TPCN1: variants seen among roughly 807,000 people sequenced by gnomAD.
TPCN1 encodes two pore channel protein 1.
In TPCN1, 52 loss-of-function variants were observed where a neutral mutation model predicts 108.8. The observed-to-expected ratio is 0.48, with a 90% CI of 0.38 to 0.60. TPCN1 has a LOEUF of 0.60. Ranked by LOEUF, TPCN1 falls within the 20% of genes least tolerant of loss-of-function variation. The pLI is 0.00. For missense variants in TPCN1, 806 were observed against 1,072.8 expected (o/e 0.75, Z 3.47); for synonymous variants, 446 against 433.7 (o/e 1.03, Z -0.35).
intron 2 of TPCN1, among the ~76,000 whole-genome samples, chr12:113,228,302 C>A (rs540165390): frequency 2.0e-5 from 3 of 152,230 alleles, no homozygotes; most frequent in African/African-American, 7.2e-5. Flanking sequence ...TTTTCTTCAT[C>A]ACCCTTAATA....
Position 113,289,579 on chromosome 12 carries a change from TC to T in TPCN1, c.1797-546del, listed in dbSNP as rs1956199408. Among the ~76,000 whole-genome samples, 1 of 152,120 alleles carries T rather than the reference TC, an allele frequency of 6.6e-6. No individual in the cohort carries two copies. Among genetic ancestry groups the T allele is most frequent in the African/African-American group, 2.4e-5 (1 of 41,396 alleles). ...CTGATGCATGCGTGTGGGAGGAGGCTCCCTGGTGGCCCAAGCACTAGACTTT... is the reference window on the plus strand; with the variant it reads ...CTGATGCATGCGTGTGGGAGGAGGCTCCTGGTGGCCCAAGCACTAGACTTT... On this transcript the variant is annotated intron_variant, in intron 21 of 27. Transcript: ENST00000335509. The surrounding 1 kb of genome is among the most constrained non-coding windows in gnomAD (Gnocchi z 4.1).
Position 113,296,194 on chromosome 12 carries a change from G to T in TPCN1, c.*118G>T. ...CGTATATGCACATATTTATATACAG[G>T]AAGAAAAAAGACAGACAAGATGGGG... On this transcript the variant is annotated 3_prime_UTR_variant, in exon 28 of 28. Coordinates refer to ENST00000335509, the MANE Select transcript of TPCN1 (RefSeq NM_017901.6). The T allele has an allele frequency of 7.1e-7, 1 of 1,412,682 alleles. No individual in the cohort carries two copies. The highest frequency in any genetic ancestry group is 1.4e-5 in the African/African-American group (1 of 70,696). 87.5% of individuals were successfully genotyped at this position (1,412,682 alleles called of 1,614,324 possible). A position where few individuals can be genotyped will look rare whatever the true frequency, so the allele number is the denominator to read the frequency against.
In TPCN1 at chr12:113,288,646, C is replaced by T. The variant is rs550037667; in HGVS notation, c.1707-112C>T. On this transcript the variant is annotated intron_variant, in intron 20 of 27. Coordinates refer to ENST00000335509, the MANE Select transcript of TPCN1 (RefSeq NM_017901.6). The surrounding 1 kb of genome is among the most constrained non-coding windows in gnomAD (Gnocchi z 4.8). ...CGCAGGCACTTTCCAGTTGGTGAAC[C>T]GACCAGGGGCATGGCCCTGCAGTCA... The T allele has an allele frequency of 6.7e-4, 1,038 of 1,540,220 alleles. 2 individuals are homozygous for T. Among genetic ancestry groups the T allele is most frequent in the Non-Finnish European group, 8.1e-4 (924 of 1,147,440 alleles).
chr12:113,266,153 A>C lies in TPCN1; in HGVS notation c.238-27A>C, dbSNP rs781147083. The stretch of plus-strand genomic sequence containing the variant: ...GCGTTGGATGGGTCTCCAGGCTTAC[A>C]TGCCCACACTACTCTCATCTTTTCA... On this transcript the variant is annotated intron_variant, in intron 3 of 27. Transcript: ENST00000335509. This position sits in a 1 kb window ranked among gnomAD's most constrained non-coding sequence, Gnocchi z 4.2. 32 of 1,612,164 alleles carry C rather than the reference A, an allele frequency of 2.0e-5. No individual in the cohort carries two copies. Among genetic ancestry groups the C allele is most frequent in the Non-Finnish European group, 2.6e-5 (31 of 1,178,824 alleles).
chr12:113,248,407 C>T (rs187005341), intron 2 of TPCN1, among the ~76,000 whole-genome samples: 47 of 152,356 alleles, frequency 3.1e-4, no homozygotes, highest in African/African-American at 5.8e-4. Flanking sequence ...ACATTCCAGG[C>T]GGGGAAACAG....
intron 26 of TPCN1, 34 bp from the exon 27 acceptor site, chr12:113,293,235 G>T (rs372288076): frequency 3.1e-6 from 5 of 1,611,788 alleles, no homozygotes; most frequent in Non-Finnish European, 4.2e-6. Flanking sequence ...CTGAATATCT[G>T]CAGCCGAGCC....
chr12:113,288,117 A>AG lies in TPCN1; in HGVS notation c.1635-44dup. The AG allele has an allele frequency of 6.4e-7, 1 of 1,560,216 alleles. No homozygotes were observed. The highest frequency in any genetic ancestry group is 8.8e-7 in the Non-Finnish European group (1 of 1,139,622). ...CGGCATGTTCTGAGGGCGGGGGCTG[A>AG]GGCGTGCACCTGTGTGTGGAGGTGA... On this transcript the variant is annotated intron_variant, in intron 19 of 27. Transcript: ENST00000335509. The surrounding 1 kb of genome is among the most constrained non-coding windows in gnomAD (Gnocchi z 4.8).
Position 113,266,372 on chromosome 12 carries a change from C to A in TPCN1, c.414+16C>A. The A allele has an allele frequency of 6.2e-7, 1 of 1,601,700 alleles. No individual in the cohort carries two copies. The highest frequency in any genetic ancestry group is 8.5e-7 in the Non-Finnish European group (1 of 1,178,732). ...TGGCATCTATGTGAGCGCACATGCT[C>A]CTCATACGGGGGGCTGGGAGCCACG... On this transcript the variant is annotated intron_variant, in intron 4 of 27. Coordinates refer to ENST00000335509, the MANE Select transcript of TPCN1 (RefSeq NM_017901.6). This position sits in a 1 kb window ranked among gnomAD's most constrained non-coding sequence, Gnocchi z 4.2.
chr12:113,291,898 T>C lies in TPCN1; in HGVS notation c.2053T>C (p.Phe685Leu). 1 of 1,599,400 alleles carries C rather than the reference T, an allele frequency of 6.3e-7. No homozygotes were observed. The highest frequency in any genetic ancestry group is 8.5e-7 in the Non-Finnish European group (1 of 1,171,646). ...TMVVMTIIVA[F>L]ILEAFVFRMN... ...GGTGGTGATGACGATCATTGTCGCC[T>C]TTATCCTCGAGGCCTTCGTCTTCCG... Residue 685 changes from phenylalanine (F) to leucine (L), a missense_variant, in exon 25 of 28, where the codon TTT becomes CTT. Transcript: ENST00000335509.
At chr12:113,239,831 ATC>A (rs1954036386) in intron 2 of TPCN1, among the ~76,000 whole-genome samples, 2 of 151,970 alleles carry the variant, frequency 1.3e-5, no homozygotes, top group Non-Finnish European at 2.9e-5. Context: ...TCTCTTTTTT[ATC>A]TCTCTTTTTG....
rs116955223 is a variant in TPCN1 at position 113,242,395 on chromosome 12, A to G, written c.112+15431A>G. 8.6e-3 allele frequency among the ~76,000 whole-genome samples: 1,305 copies of G among 152,306 alleles called. 11 individuals carry two copies. Among genetic ancestry groups the G allele is most frequent in the Non-Finnish European group, 0.012 (835 of 68,020 alleles). ...AGCCTTGCGGAAACAGTGGAGGGAA[A>G]GGTGAGGGCTTGGCTGCCCGTCGTT... On this transcript the variant is annotated intron_variant, in intron 2 of 27. Transcript: ENST00000335509.
intron 14 of TPCN1, among the ~76,000 whole-genome samples, chr12:113,279,582 T>G (rs1336225774): frequency 6.6e-6 from 1 of 150,586 alleles, no homozygotes. Flanking sequence ...GTGTGTGTGT[T>G]TTTAGTAGAG....
rs989201486 is a variant in TPCN1, at chr12:113,272,770, G to A, written c.783+78G>A. 39 of 1,441,066 alleles carry A rather than the reference G, an allele frequency of 2.7e-5. No homozygotes were observed. Among genetic ancestry groups the A allele is most frequent in the Non-Finnish European group, 3.8e-5 (39 of 1,023,064 alleles). 89.3% of individuals were successfully genotyped at this position (1,441,066 alleles called of 1,614,324 possible). A position where few individuals can be genotyped will look rare whatever the true frequency, so the allele number is the denominator to read the frequency against. On this transcript the variant is annotated intron_variant, in intron 8 of 27. Transcript: ENST00000335509. The surrounding 1 kb of genome is among the most constrained non-coding windows in gnomAD (Gnocchi z 4.1). Reference sequence around the variant, plus strand: ...CAGACAGGGTCACCGGCGTGACCCTGTGGCCATATGGGGAAGGGGGGGCCT... The same window carrying A: ...CAGACAGGGTCACCGGCGTGACCCTATGGCCATATGGGGAAGGGGGGGCCT...
chr12:113,277,033 A>G lies in TPCN1; in HGVS notation c.1057A>G (p.Arg353Gly), dbSNP rs754372937. Residue 353 changes from arginine to glycine, a missense_variant and splice_region_variant, in exon 11 of 28, where the codon AGG becomes GGG. Arg to Gly is a moderately radical substitution (Grantham distance 125). Coordinates refer to ENST00000335509, the MANE Select transcript of TPCN1 (RefSeq NM_017901.6). ...TGCCTACCGCCTGCTCATCAGCCAG[A>G]GGGTAGGAACTATGGGCCAGGGAGG... Reference protein sequence around the residue: ...QHAYRLLISQRRPAGISYRQF... With the variant: ...QHAYRLLISQGRPAGISYRQF... 1 of 1,613,174 alleles carries G rather than the reference A, an allele frequency of 6.2e-7. No homozygotes were observed. Among genetic ancestry groups the G allele is most frequent in the East Asian group, 2.2e-5 (1 of 44,876 alleles).
intron 3 of TPCN1, among the ~76,000 whole-genome samples, chr12:113,263,109 T>C (rs1355231400): frequency 6.6e-6 from 1 of 152,248 alleles, no homozygotes; most frequent in Non-Finnish European, 1.5e-5. Context: ...TCAAAAATTG[T>C]TTAAATATTA....
intron 7 of TPCN1, among the ~76,000 whole-genome samples, chr12:113,270,440 G>A (rs1036656294): frequency 7.2e-5 from 11 of 151,976 alleles, no homozygotes; most frequent in Non-Finnish European, 5.9e-5. Flanking sequence ...GTGGTGGAAG[G>A]TGGGAGGCAG....
chr12:113,246,856 CG>C (rs1453365683), intron 2 of TPCN1, among the ~76,000 whole-genome samples: 1 of 152,186 alleles, frequency 6.6e-6, no homozygotes, highest in Non-Finnish European at 1.5e-5. Context: ...GGGCCAGCCC[CG>C]GCACACAGAG....
At chr12:113,244,623 T>C in intron 2 of TPCN1, 1 of 985,454 alleles carries the variant, frequency 1.0e-6, no homozygotes, top group South Asian at 4.7e-5. Context: ...TGGTTTATTT[T>C]CCTCTCCTCT....
In TPCN1 at chr12:113,296,230, A is replaced by C; in HGVS notation, c.*154A>C. ...ACAGACAAGATGGGGCTTGGTTTAT[A>C]ACCACCTTGCCCTGTCTTCCTTAAC... On this transcript the variant is annotated 3_prime_UTR_variant, in exon 28 of 28. Transcript: ENST00000335509. 8.0e-7 allele frequency: 1 copy of C among 1,251,790 alleles called. No individual in the cohort carries two copies. The highest frequency in any genetic ancestry group is 2.6e-5 in the East Asian group (1 of 39,202). The allele number at this position is 1,251,790 out of a possible 1,614,324, so 77.5% of individuals were successfully genotyped here. A position where few individuals can be genotyped will look rare whatever the true frequency, so the allele number is the denominator to read the frequency against.
Sources: allele counts gnomAD v4.1 joint callset (sites outside exome capture counted in the v4.1 genomes callset), GRCh38; gene constraint gnomAD v4.1.1; non-coding constraint Gnocchi (gnomAD v3.1); transcripts MANE v1.5; gene names NCBI Gene and HGNC (gene_info 2026-07-23, HGNC 2026-07-21).